Variants in MET observed in about 807,000 individuals in gnomAD.
MET encodes MET proto-oncogene, receptor tyrosine kinase, also known as hepatocyte growth factor receptor.
Under a neutral mutation model 133.1 loss-of-function variants are expected in MET, and 48 were observed. That is an observed-to-expected ratio of 0.36 (90% confidence interval 0.29 to 0.46). The LOEUF (loss-of-function observed/expected upper bound fraction) is 0.46, where lower values mean the gene tolerates loss of function less well. Among genes scored for constraint, MET ranks in the 20% least tolerant of loss-of-function variants. The pLI is 1.00. For synonymous variants in MET, 628 were observed against 616.5 expected (o/e 1.02, Z -0.28); for missense variants, 1,442 against 1,695.9 (o/e 0.85, Z 2.63).
intron 1 of MET, among the ~76,000 whole-genome samples, chr7:116,696,159 G>A (rs183153720): frequency 4.6e-5 from 7 of 152,118 alleles, no homozygotes; most frequent in Non-Finnish European, 8.8e-5. Context: ...ATGAACCACC[G>A]CGCTCAGCCA....
chr7:116,781,870 G>A, intron 17 of MET, 118 bp from the exon 18 acceptor site: 1 of 759,030 alleles, frequency 1.3e-6, no homozygotes, highest in South Asian at 1.5e-5. Context: ...GAGCCATTAA[G>A]ACCAAACTAA....
At chr7:116,775,223 T>C (rs1794958493) in intron 15 of MET, 112 bp downstream of exon 15, 3 of 903,352 alleles carry the variant, frequency 3.3e-6, no homozygotes, top group Non-Finnish European at 5.4e-6. Context: ...GACAGAGCAG[T>C]GATAACAAGT....
chr7:116,674,144 C>G (rs76484229), intron 1 of MET, among the ~76,000 whole-genome samples: 4,248 of 152,244 alleles, frequency 0.028, 172 homozygotes, highest in African/African-American at 0.096. Context: ...CCGACTACTG[C>G]TTTTTCAAAA....
At chr7:116,712,505 C>A (rs1792038555) in intron 2 of MET, among the ~76,000 whole-genome samples, 1 of 152,102 alleles carries the variant, frequency 6.6e-6, no homozygotes, top group South Asian at 2.1e-4. Flanking sequence ...TATGACAGAG[C>A]CCTGTATGTA....
chr7:116,691,673 G>A (rs1371411761), intron 1 of MET, among the ~76,000 whole-genome samples: 1 of 152,188 alleles, frequency 6.6e-6, no homozygotes, highest in Non-Finnish European at 1.5e-5. Context: ...TTCATGCTCA[G>A]GCTGGCTTTC....
intron 17 of MET, among the ~76,000 whole-genome samples, chr7:116,779,493 C>A (rs1312838552): frequency 1.3e-5 from 2 of 152,176 alleles, no homozygotes; most frequent in Non-Finnish European, 2.9e-5. Flanking sequence ...TCAACATAAG[C>A]CTTCCCTAAT....
chr7:116,762,094 T>C (rs917480721), intron 10 of MET, among the ~76,000 whole-genome samples: 1 of 152,198 alleles, frequency 6.6e-6, no homozygotes, highest in African/African-American at 2.4e-5. Context: ...AAGCTACATT[T>C]TCCAAAATTC....
intron 19 of MET, among the ~76,000 whole-genome samples, chr7:116,786,170 C>T (rs115293079): frequency 0.025 from 3,739 of 152,278 alleles, 163 homozygotes; most frequent in African/African-American, 0.086. Context: ...GCTGTGTCCT[C>T]ACATGGCTAA....
intron 2 of MET, among the ~76,000 whole-genome samples, chr7:116,730,647 G>A (rs1283080503): frequency 6.6e-6 from 1 of 152,144 alleles, no homozygotes; most frequent in East Asian, 1.9e-4. Context: ...AAATTGTTGG[G>A]AATTGGTGAT....
intron 17 of MET, among the ~76,000 whole-genome samples, chr7:116,780,020 G>C (rs1321268752): frequency 6.6e-6 from 1 of 152,164 alleles, no homozygotes; most frequent in African/African-American, 2.4e-5. Context: ...CATGAGGGTA[G>C]GATTTTTGTG....
intron 5 of MET, among the ~76,000 whole-genome samples, chr7:116,750,464 A>G (rs1793873890): frequency 6.6e-6 from 1 of 152,198 alleles, no homozygotes. Flanking sequence ...CGCAAGACCT[A>G]AAAACCATAA....
Position 116,758,462 on chromosome 7 carries a change from G to A in MET, c.2106G>A (p.Val702=). 6.2e-7 allele frequency: 1 copy of A among 1,613,352 alleles called. No homozygotes were observed. The highest frequency in any genetic ancestry group is 8.5e-7 in the Non-Finnish European group (1 of 1,179,600). ...TTCCTTAATTTTTTTTGTTCAGTGT[G>A]TCAAACAGTATTCTTGAATGTTATA... ...IGGKTCTLKS[V]SNSILECYTP... is the part of the protein sequence containing the mutation. Residue 702 remains valine (V), a synonymous_variant, in exon 9 of 21, where the codon GTG becomes GTA. Transcript: ENST00000397752.
intron 2 of MET, among the ~76,000 whole-genome samples, 183 bp from the exon 3 acceptor site, chr7:116,731,485 T>C (rs1793001232): frequency 6.6e-6 from 1 of 152,208 alleles, no homozygotes; most frequent in Non-Finnish European, 1.5e-5. Flanking sequence ...CTATAAATAA[T>C]GCCTAGTGAA....
At chr7:116,755,641 A>T (rs1279083186) in intron 6 of MET, 126 bp downstream of exon 6, 1 of 1,169,010 alleles carries the variant, frequency 8.6e-7, no homozygotes, top group Admixed American at 2.0e-5. Flanking sequence ...GGCCTGTCAC[A>T]TGCCTTGTGG....
chr7:116,691,635 T>G (rs1432802260), intron 1 of MET, among the ~76,000 whole-genome samples: 2 of 152,216 alleles, frequency 1.3e-5, no homozygotes, highest in Non-Finnish European at 2.9e-5. Flanking sequence ...TCCCTCCGTG[T>G]CTGGGCTCTC....
rs1584914409 is a variant in MET, at chr7:116,731,860, G to A, written c.1392+1G>A. ...GACATCAGAGGGTCGCTTCATGCAG[G>A]TAAGTGCTTTCTGAGAGTAGCTGTG... On this transcript the variant is annotated splice_donor_variant, in intron 3 of 20. Coordinates refer to ENST00000397752, the MANE Select transcript of MET (RefSeq NM_000245.4). LOFTEE classifies it high-confidence loss of function. The A allele has an allele frequency of 6.2e-7, 1 of 1,613,844 alleles. No individual in the cohort carries two copies. The highest frequency in any genetic ancestry group is 8.5e-7 in the Non-Finnish European group (1 of 1,179,796).
intron 4 of MET, 23 bp downstream of exon 4, chr7:116,740,107 T>G: frequency 6.2e-7 from 1 of 1,613,790 alleles, no homozygotes; most frequent in Non-Finnish European, 8.5e-7. Context: ...CACAGGGAAT[T>G]TCCATAGACG....
At chr7:116,722,361 G>T (rs1416278844) in intron 2 of MET, among the ~76,000 whole-genome samples, 16 of 150,126 alleles carry the variant, frequency 1.1e-4, no homozygotes, top group African/African-American at 3.6e-4. Context: ...CTTTTATTTT[G>T]AGCCTATGTG....
intron 16 of MET, among the ~76,000 whole-genome samples, chr7:116,777,861 C>T (rs1316188443): frequency 6.6e-6 from 1 of 152,100 alleles, no homozygotes; most frequent in East Asian, 1.9e-4. Context: ...ACCACAACTT[C>T]CATTAAAAAG....
Sources: gnomAD v4.1 joint callset for allele counts (sites outside exome capture counted in the v4.1 genomes callset) on GRCh38, gnomAD v4.1.1 for gene constraint, MANE v1.5 for transcripts, NCBI Gene and HGNC (gene_info 2026-07-23, HGNC 2026-07-21) for gene names.